The following EBF1 variants were observed in gnomAD, a reference collection of about 807,000 sequenced individuals.
EBF1 encodes the protein transcription factor COE1.
A neutral mutation model predicts 68.4 loss-of-function variants in EBF1; 10 were observed. The observed-to-expected ratio is 0.15, with a 90% CI of 0.09 to 0.25. The LOEUF is 0.25. Ranked by LOEUF, EBF1 falls within the 10% of genes least tolerant of loss-of-function variation. The pLI is 1.00. For missense variants in EBF1, 509 were observed against 794.4 expected (o/e 0.64, Z 4.32); for synonymous variants, 298 against 299.8 (o/e 0.99, Z 0.06).
intron 11 of EBF1, among the ~76,000 whole-genome samples, chr5:158,722,454 G>A (rs981952907): frequency 6.6e-6 from 1 of 152,174 alleles, no homozygotes; most frequent in African/African-American, 2.4e-5. Context: ...ACAAAGAGAT[G>A]TATTTGTCAT....
At chr5:159,086,861 T>C (rs1292279232) in intron 4 of EBF1, among the ~76,000 whole-genome samples, 1 of 152,178 alleles carries the variant, frequency 6.6e-6, no homozygotes, top group African/African-American at 2.4e-5. Flanking sequence ...GCATTGATTA[T>C]TCTTTGCTGT....
intron 6 of EBF1, among the ~76,000 whole-genome samples, chr5:158,982,540 T>G (rs1284019486): frequency 3.9e-5 from 6 of 152,214 alleles, no homozygotes; most frequent in Admixed American, 3.9e-4. Context: ...GCACAGTGCT[T>G]GGCACCTTGA....
chr5:158,706,737 A>G (rs959729216), intron 15 of EBF1, among the ~76,000 whole-genome samples: 2 of 152,056 alleles, frequency 1.3e-5, no homozygotes, highest in African/African-American at 4.8e-5. Context: ...AAGGGCACAG[A>G]CTCTGATGGG....
chr5:158,822,119 T>C (rs17056273), intron 8 of EBF1, among the ~76,000 whole-genome samples: 8,129 of 152,120 alleles, frequency 0.053, 302 homozygotes, highest in East Asian at 0.072. Flanking sequence ...TGTGTGGTAG[T>C]GTTCTGAAAA....
At chr5:158,840,659 T>TG (rs1790087652) in intron 6 of EBF1, among the ~76,000 whole-genome samples, 2 of 104,914 alleles carry the variant, frequency 1.9e-5, no homozygotes, top group African/African-American at 8.2e-5. Context: ...TTTTTTTTTT[T>TG]TTTTTTTTTT....
intron 11 of EBF1, among the ~76,000 whole-genome samples, chr5:158,720,529 T>C (rs1005473021): frequency 3.3e-5 from 5 of 152,034 alleles, no homozygotes; most frequent in Middle Eastern, 3.4e-3. Context: ...CAAACCAAAA[T>C]AACACTTGGG....
rs547943187 is a variant in EBF1 at position 158,765,087 on chromosome 5, C to T, written c.1036+12326G>A. Among the ~76,000 whole-genome samples, 363 of 152,284 alleles carry T rather than the reference C, an allele frequency of 2.4e-3. 1 individual carries two copies. The highest frequency in any genetic ancestry group is 2.2e-3 in the Non-Finnish European group (151 of 68,022). ...CATAGTGTCAGTAGTCAGACCTGTACTTTGACCCCCGATACAGAACATTCC... is the reference window on the plus strand; with the variant it reads ...CATAGTGTCAGTAGTCAGACCTGTATTTTGACCCCCGATACAGAACATTCC... On this transcript the variant is annotated intron_variant, in intron 10 of 15. Transcript: ENST00000313708.
intron 6 of EBF1, among the ~76,000 whole-genome samples, chr5:159,006,511 T>C (rs1218248524): frequency 6.6e-6 from 1 of 152,006 alleles, no homozygotes; most frequent in East Asian, 1.9e-4. Flanking sequence ...TTTATTCCTC[T>C]CTTAGAGAAG....
chr5:158,860,439 T>G (rs540166808), intron 6 of EBF1, among the ~76,000 whole-genome samples: 2 of 152,198 alleles, frequency 1.3e-5, no homozygotes, highest in Non-Finnish European at 2.9e-5. Context: ...CTACTCACCC[T>G]GGCTTCTGAC....
chr5:159,096,503 AC>A, intron 2 of EBF1, 97 bp from the exon 3 acceptor site: 1 of 1,430,644 alleles, frequency 7.0e-7, no homozygotes, highest in Non-Finnish European at 9.6e-7. Context: ...CCAAGCCGGG[AC>A]CCCCGCTGGC....
intron 4 of EBF1, among the ~76,000 whole-genome samples, chr5:159,093,631 A>T (rs2128000692): frequency 6.6e-6 from 1 of 152,200 alleles, no homozygotes; most frequent in East Asian, 1.9e-4. Flanking sequence ...TATTTGATGT[A>T]TTGCTTTAAA....
At chr5:159,015,245 C>T (rs1220661869) in intron 6 of EBF1, among the ~76,000 whole-genome samples, 1 of 152,238 alleles carries the variant, frequency 6.6e-6, no homozygotes, top group African/African-American at 2.4e-5. Context: ...AGCACAGTCC[C>T]TGGCATATCA....
At chr5:159,052,313 T>C (rs1773902502) in intron 6 of EBF1, among the ~76,000 whole-genome samples, 1 of 146,362 alleles carries the variant, frequency 6.8e-6, no homozygotes, top group Non-Finnish European at 1.5e-5. Flanking sequence ...ACGTGAAAAC[T>C]ATCCTTTGGA....
At chr5:158,925,595 C>A (rs371256530) in intron 6 of EBF1, among the ~76,000 whole-genome samples, 27 of 152,322 alleles carry the variant, frequency 1.8e-4, no homozygotes, top group African/African-American at 6.3e-4. Context: ...GAAGCTCCAG[C>A]AACTCTCTCT....
chr5:158,926,307 T>C (rs537999589), intron 6 of EBF1, among the ~76,000 whole-genome samples: 4 of 152,360 alleles, frequency 2.6e-5, no homozygotes, highest in Admixed American at 2.6e-4. Context: ...TCCCCTGTGA[T>C]GTCAAAATTT....
At chr5:158,886,956 C>T (rs1339618299) in intron 6 of EBF1, among the ~76,000 whole-genome samples, 2 of 152,080 alleles carry the variant, frequency 1.3e-5, no homozygotes, top group African/African-American at 4.8e-5. Context: ...GAGCCGAGAT[C>T]GTGCCATTGC....
At chr5:158,958,378 G>A (rs917422980) in intron 6 of EBF1, among the ~76,000 whole-genome samples, 16 of 152,064 alleles carry the variant, frequency 1.1e-4, no homozygotes, top group African/African-American at 2.2e-4. Context: ...TCCAATTTGC[G>A]GTGCTGATTG....
intron 8 of EBF1, among the ~76,000 whole-genome samples, chr5:158,809,504 T>C (rs1782204529): frequency 6.6e-6 from 1 of 152,116 alleles, no homozygotes. Flanking sequence ...AGATAGAGGG[T>C]GGATATTTAT....
At position 158,885,218 on chromosome 5, in the gene EBF1, T is replaced by C. The variant is rs566757708; in HGVS notation, c.555-45108A>G. Among the ~76,000 whole-genome samples the C allele has an allele frequency of 1.3e-5, 2 of 152,070 alleles. 1 individual carries two copies. Among genetic ancestry groups the C allele is most frequent in the East Asian group, 3.9e-4 (2 of 5,180 alleles). On this transcript the variant is annotated intron_variant, in intron 6 of 15. Transcript: ENST00000313708. ...TCATCCAGATGACAATGGGAAGACA[T>C]GGAAAAGTTTCAGCCAGAAGATGAT...
Sources: allele counts gnomAD v4.1 joint callset (sites outside exome capture counted in the v4.1 genomes callset), GRCh38; gene constraint gnomAD v4.1.1; transcripts MANE v1.5; gene names NCBI Gene and HGNC (gene_info 2026-07-23, HGNC 2026-07-21).